The following LRP1B variants were observed in gnomAD, a reference collection of about 807,000 sequenced individuals.
The protein encoded by LRP1B is LDL receptor related protein 1B.
LRP1B carries 217 observed loss-of-function variants against 556.6 expected under a neutral mutation model. The observed-to-expected ratio is 0.39, with a 90% CI of 0.35 to 0.44. The LOEUF is 0.44. LRP1B is among the 20% of genes least tolerant of loss of function. The probability of loss-of-function intolerance (pLI) is 1.00; values close to 1 mark genes in which losing one functional copy is unlikely to be tolerated. For missense variants in LRP1B, 5,053 were observed against 5,620.8 expected, an observed-to-expected ratio of 0.90 and a Z score of 3.23; for synonymous variants, 2,047 against 1,865.8, an observed-to-expected ratio of 1.10 and a Z score of -2.50.
chr2:141,770,348 A>G (rs539601486), intron 2 of LRP1B, among the ~76,000 whole-genome samples: 1 of 152,322 alleles, frequency 6.6e-6, no homozygotes, highest in African/African-American at 2.4e-5. Context: ...GGTTAATCTA[A>G]GAGAATTGGA....
At chr2:142,079,664 C>T (rs1705642056) in intron 1 of LRP1B, among the ~76,000 whole-genome samples, 1 of 152,044 alleles carries the variant, frequency 6.6e-6, no homozygotes, top group Non-Finnish European at 1.5e-5. Flanking sequence ...CATGCACCAA[C>T]ATGCCCAGCT....
intron 7 of LRP1B, among the ~76,000 whole-genome samples, chr2:141,077,662 G>A (rs781230479): frequency 3.3e-5 from 5 of 152,168 alleles, no homozygotes; most frequent in Admixed American, 6.6e-5. Flanking sequence ...GATTTCCCCC[G>A]AGGAAGAAGT....
At chr2:141,035,605 AT>A (rs1241619559) in intron 11 of LRP1B, among the ~76,000 whole-genome samples, 11 of 152,052 alleles carry the variant, frequency 7.2e-5, no homozygotes, top group African/African-American at 2.2e-4. Context: ...TTATAAAAAA[AT>A]AAGGATCAGA....
intron 31 of LRP1B, among the ~76,000 whole-genome samples, chr2:140,824,194 A>G (rs1238009213): frequency 6.6e-6 from 1 of 152,124 alleles, no homozygotes; most frequent in Non-Finnish European, 1.5e-5. Context: ...AGTAAGAAAC[A>G]TAAGCTATTA....
intron 1 of LRP1B, among the ~76,000 whole-genome samples, chr2:142,124,066 G>A (rs1707554998): frequency 6.6e-6 from 1 of 151,600 alleles, no homozygotes; most frequent in Non-Finnish European, 1.5e-5. Context: ...AGATTTGGGG[G>A]TACATGTGAA....
intron 43 of LRP1B, among the ~76,000 whole-genome samples, chr2:140,556,996 C>T (rs1401841614): frequency 6.6e-6 from 1 of 151,924 alleles, no homozygotes; most frequent in African/African-American, 2.4e-5. Context: ...AATTAAAAGG[C>T]AAATATTTTA....
At chr2:141,942,803 C>A (rs990079709) in intron 1 of LRP1B, among the ~76,000 whole-genome samples, 1 of 152,116 alleles carries the variant, frequency 6.6e-6, no homozygotes, top group Non-Finnish European at 1.5e-5. Flanking sequence ...TGTAAGCAGA[C>A]GAGGAGACCA....
intron 3 of LRP1B, among the ~76,000 whole-genome samples, chr2:141,459,911 T>C (rs12470665): frequency 0.26 from 38,875 of 152,074 alleles, 5,786 homozygotes; most frequent in East Asian, 0.52. Flanking sequence ...TACTTGAGTG[T>C]CAGGAAAATA....
chr2:140,734,927 G>A (rs1005068755), intron 35 of LRP1B, among the ~76,000 whole-genome samples: 1 of 152,160 alleles, frequency 6.6e-6, no homozygotes, highest in African/African-American at 2.4e-5. Context: ...ATATGGCTCA[G>A]ATCTGCCTCG....
intron 20 of LRP1B, among the ~76,000 whole-genome samples, chr2:140,923,462 T>C (rs1694802358): frequency 6.6e-6 from 1 of 152,072 alleles, no homozygotes; most frequent in Non-Finnish European, 1.5e-5. Flanking sequence ...TTTGTACTCA[T>C]GCCTAAAGGA....
intron 45 of LRP1B, among the ~76,000 whole-genome samples, chr2:140,537,144 C>G (rs1422696256): frequency 6.7e-6 from 1 of 149,064 alleles, no homozygotes; most frequent in East Asian, 2.0e-4. Flanking sequence ...GCACTCCAGC[C>G]TGGGCAACAG....
In LRP1B at chr2:140,766,106, G is replaced by A. The variant is rs943338579; in HGVS notation, c.5758+3107C>T. On this transcript the variant is annotated intron_variant, in intron 35 of 90. Coordinates refer to ENST00000389484, the MANE Select transcript of LRP1B (RefSeq NM_018557.3). ...TCCTAATGTAGAGATTATGGCCCTG[G>A]GGTAAATGTCATTAATGGAAGAAGA... Among the ~76,000 whole-genome samples the A allele has an allele frequency of 2.0e-5, 3 of 151,744 alleles. No homozygotes were observed. The Admixed American group carries it at 2.0e-4, about 10-fold the overall frequency.
chr2:140,331,728 T>C (rs1680826457), intron 79 of LRP1B, among the ~76,000 whole-genome samples: 1 of 150,578 alleles, frequency 6.6e-6, no homozygotes, highest in African/African-American at 2.4e-5. Flanking sequence ...GGTGTTTCGC[T>C]CTTGTTGCTT....
chr2:141,780,774 T>A (rs1695227575), intron 2 of LRP1B, among the ~76,000 whole-genome samples: 1 of 152,184 alleles, frequency 6.6e-6, no homozygotes, highest in Non-Finnish European at 1.5e-5. Flanking sequence ...CAAAGAACAA[T>A]AGCACTGCAA....
intron 1 of LRP1B, among the ~76,000 whole-genome samples, chr2:141,922,692 T>C (rs549698524): frequency 6.6e-5 from 10 of 152,268 alleles, no homozygotes; most frequent in Non-Finnish European, 1.0e-4. Context: ...TCAACAGCTA[T>C]AGAGGCAGTA....
intron 2 of LRP1B, among the ~76,000 whole-genome samples, chr2:141,595,823 T>G (rs2105301042): frequency 6.6e-6 from 1 of 152,140 alleles, no homozygotes; most frequent in Non-Finnish European, 1.5e-5. Flanking sequence ...CAGAAGAATA[T>G]CCAGTGTTGC....
intron 2 of LRP1B, among the ~76,000 whole-genome samples, chr2:141,515,027 G>T (rs1203764100): frequency 3.3e-5 from 5 of 152,028 alleles, no homozygotes; most frequent in Non-Finnish European, 5.9e-5. Context: ...TTCCAGCTGG[G>T]CATGGTGGCT....
rs1003184553 is a variant in LRP1B, at chr2:140,663,523, AT to A, written c.6799+36726del. ...TTCTGTTCTTAAACCTCATGAACCA[AT>A]CTCTGCTAGCTCAAACTTAACTTTT... is the stretch of plus-strand genomic sequence containing the variant. On this transcript the variant is annotated intron_variant, in intron 41 of 90. Coordinates refer to ENST00000389484, the MANE Select transcript of LRP1B (RefSeq NM_018557.3). 6.3e-4 allele frequency among the ~76,000 whole-genome samples: 96 copies of A among 152,222 alleles called. 1 individual carries two copies. The highest frequency in any genetic ancestry group is 6.2e-3 in the Admixed American group (95 of 15,280).
intron 1 of LRP1B, among the ~76,000 whole-genome samples, chr2:142,111,393 T>C (rs866341737): frequency 2.0e-5 from 3 of 152,046 alleles, no homozygotes; most frequent in African/African-American, 7.2e-5. Flanking sequence ...CTAATGTGTG[T>C]TTTGTAAATT....
Sources: allele counts gnomAD v4.1 joint callset (sites outside exome capture counted in the v4.1 genomes callset), GRCh38; gene constraint gnomAD v4.1.1; transcripts MANE v1.5; gene names NCBI Gene and HGNC (gene_info 2026-07-23, HGNC 2026-07-21).